The following PTPRD variants were observed in gnomAD, a reference collection of about 807,000 sequenced individuals.
The protein encoded by PTPRD is receptor-type tyrosine-protein phosphatase delta.
A neutral mutation model predicts 214.5 loss-of-function variants in PTPRD; 34 were observed. The ratio of observed to expected loss-of-function variants is 0.16; its 90% CI spans 0.12 to 0.21. PTPRD has a LOEUF of 0.21. Ranked by LOEUF, PTPRD falls within the 10% of genes least tolerant of loss-of-function variation. The pLI, the probability that PTPRD is intolerant of heterozygous loss-of-function variation, is 1.00. For missense variants in PTPRD, 2,545 were observed against 2,398.7 expected (o/e 1.06, Z -1.27); for synonymous variants, 1,128 against 845.7 (o/e 1.33, Z -5.79).
chr9:10,551,015 G>GA (rs1290781897), intron 2 of PTPRD, among the ~76,000 whole-genome samples: 12 of 152,154 alleles, frequency 7.9e-5, no homozygotes, highest in Non-Finnish European at 1.5e-4. Context: ...ATAGCATGGA[G>GA]ACTTTGACAC....
At chr9:10,004,208 T>C in intron 4 of PTPRD, among the ~76,000 whole-genome samples, 1 of 151,980 alleles carries the variant, frequency 6.6e-6, no homozygotes, top group Non-Finnish European at 1.5e-5. Context: ...ATTTAGGTTG[T>C]ATATATTGGG....
chr9:9,681,019 G>C (rs1043967058), intron 7 of PTPRD, among the ~76,000 whole-genome samples: 1 of 151,674 alleles, frequency 6.6e-6, no homozygotes, highest in African/African-American at 2.4e-5. Flanking sequence ...TTTTCACACA[G>C]AGCAGCAGTT....
chr9:10,548,580 TG>T (rs1238985235), intron 2 of PTPRD, among the ~76,000 whole-genome samples: 2 of 152,142 alleles, frequency 1.3e-5, no homozygotes, highest in South Asian at 4.1e-4. Context: ...GCGTAAGCAC[TG>T]ACCATGTGGT....
chr9:10,203,211 A>G (rs2099440507), intron 3 of PTPRD, among the ~76,000 whole-genome samples: 2 of 147,774 alleles, frequency 1.4e-5, no homozygotes, highest in African/African-American at 5.1e-5. Context: ...AGTTTCTGGA[A>G]GGAAGTATTC....
chr9:9,927,373 T>A (rs2084706465), intron 5 of PTPRD, among the ~76,000 whole-genome samples: 1 of 152,160 alleles, frequency 6.6e-6, no homozygotes, highest in African/African-American at 2.4e-5. Context: ...CTTTCCTAAG[T>A]GCCCTCTACA....
intron 10 of PTPRD, among the ~76,000 whole-genome samples, chr9:9,032,771 C>CCAAGTT (rs2099609800): frequency 6.6e-6 from 1 of 152,216 alleles, no homozygotes; most frequent in South Asian, 2.1e-4. Context: ...CTTAATCTTT[C>CCAAGTT]CAAGTTCAAG....
In PTPRD at chr9:8,944,774, G is replaced by A. The variant is rs72706297; in HGVS notation, c.-104+73923C>T. ...GAATAGTGGGGTTGGGGTGAAATAA[G>A]GATGATTAATGGGTACAAAAATATA... On this transcript the variant is annotated intron_variant, in intron 11 of 45. Coordinates refer to ENST00000381196, the MANE Select transcript of PTPRD (RefSeq NM_002839.4). Among the ~76,000 whole-genome samples the A allele has an allele frequency of 5.3e-3, 803 of 151,968 alleles. 2 individuals carry two copies. Among genetic ancestry groups the A allele is most frequent in the African/African-American group, 0.011 (441 of 41,486 alleles).
At chr9:8,365,671 G>A (rs755394258) in intron 39 of PTPRD, among the ~76,000 whole-genome samples, 1 of 152,150 alleles carries the variant, frequency 6.6e-6, no homozygotes, top group Admixed American at 6.5e-5. Context: ...CAAAGGTGGA[G>A]TATGCTTCCC....
intron 2 of PTPRD, among the ~76,000 whole-genome samples, chr9:10,492,026 C>T (rs1200817319): frequency 6.6e-6 from 1 of 152,130 alleles, no homozygotes; most frequent in Non-Finnish European, 1.5e-5. Flanking sequence ...ATCTATGTCC[C>T]TGCAAAGGAT....
intron 9 of PTPRD, among the ~76,000 whole-genome samples, chr9:9,216,924 T>C (rs150416347): frequency 6.6e-6 from 1 of 152,180 alleles, no homozygotes; most frequent in African/African-American, 2.4e-5. Context: ...TTCTGAATTA[T>C]TTCTATTTTT....
intron 20 of PTPRD, 77 bp from the exon 21 acceptor site, chr9:8,518,506 G>A: frequency 2.9e-6 from 3 of 1,029,828 alleles, no homozygotes; most frequent in South Asian, 1.7e-5. Context: ...ACTCTACTAT[G>A]AAAATGACAG....
At chr9:9,038,941 G>A (rs1248752959) in intron 10 of PTPRD, among the ~76,000 whole-genome samples, 1 of 151,804 alleles carries the variant, frequency 6.6e-6, no homozygotes, top group African/African-American at 2.4e-5. Context: ...ACTTACTTTT[G>A]TAAAAGCTTT....
chr9:9,910,070 T>C (rs2078761360), intron 5 of PTPRD, among the ~76,000 whole-genome samples: 1 of 151,946 alleles, frequency 6.6e-6, no homozygotes, highest in African/African-American at 2.4e-5. Context: ...GCTCAACTGC[T>C]TACTACTTTC....
At chr9:10,575,566 T>C (rs2068981431) in intron 2 of PTPRD, among the ~76,000 whole-genome samples, 2 of 152,146 alleles carry the variant, frequency 1.3e-5, no homozygotes, top group South Asian at 2.1e-4. Context: ...TTGTAAAGTA[T>C]GGCTTTATTT....
At chr9:9,952,627 T>C (rs766813104) in intron 4 of PTPRD, among the ~76,000 whole-genome samples, 4 of 152,106 alleles carry the variant, frequency 2.6e-5, no homozygotes, top group Non-Finnish European at 5.9e-5. Flanking sequence ...CTATTAACTA[T>C]ATATATAATA....
intron 2 of PTPRD, among the ~76,000 whole-genome samples, chr9:10,578,984 C>T (rs1425945868): frequency 8.5e-5 from 13 of 152,082 alleles, no homozygotes. Context: ...TATACATGTG[C>T]CATGGTGATT....
At chr9:9,885,390 C>T (rs2070462068) in intron 5 of PTPRD, among the ~76,000 whole-genome samples, 1 of 151,928 alleles carries the variant, frequency 6.6e-6, no homozygotes, top group Non-Finnish European at 1.5e-5. Context: ...CACAAAAGTT[C>T]CACTGAGAAT....
At chr9:8,339,264 G>C (rs932471017) in intron 42 of PTPRD, among the ~76,000 whole-genome samples, 4 of 152,114 alleles carry the variant, frequency 2.6e-5, no homozygotes, top group African/African-American at 9.7e-5. Context: ...ATGGCATCCA[G>C]CACGGTCTCT....
At chr9:9,466,151 A>G (rs2094137475) in intron 8 of PTPRD, among the ~76,000 whole-genome samples, 1 of 152,038 alleles carries the variant, frequency 6.6e-6, no homozygotes, top group South Asian at 2.1e-4. Context: ...ATATAAAAAA[A>G]TACAAAAATT....
Sources: gnomAD v4.1 joint callset for allele counts (sites outside exome capture counted in the v4.1 genomes callset) on GRCh38, gnomAD v4.1.1 for gene constraint, MANE v1.5 for transcripts, NCBI Gene and HGNC (gene_info 2026-07-23, HGNC 2026-07-21) for gene names.